Variants in NEGR1 observed in about 807,000 individuals in gnomAD.
The protein encoded by NEGR1 is neuronal growth regulator 1.
In NEGR1, 10 loss-of-function variants were observed where a neutral mutation model predicts 40.9. The ratio of observed to expected loss-of-function variants is 0.24; its 90% confidence interval spans 0.15 to 0.42. The LOEUF (loss-of-function observed/expected upper bound fraction) is 0.42, where lower values mean the gene tolerates loss of function less well. Ranked by LOEUF, NEGR1 falls within the 10% of genes least tolerant of loss-of-function variation. NEGR1 has a pLI of 1.00. For synonymous variants in NEGR1, 185 were observed against 166.8 expected (o/e 1.11, Z -0.84); for missense variants, 352 against 438.9 (o/e 0.80, Z 1.77).
intron 4 of NEGR1, among the ~76,000 whole-genome samples, chr1:71,616,564 G>A (rs556523392): frequency 6.6e-6 from 1 of 152,318 alleles, no homozygotes; most frequent in African/African-American, 2.4e-5. Flanking sequence ...CAACAATTAA[G>A]CTGCATCTGG....
intron 3 of NEGR1, among the ~76,000 whole-genome samples, chr1:71,747,821 C>A (rs1655437502): frequency 9.4e-6 from 1 of 106,770 alleles, no homozygotes; most frequent in Admixed American, 1.3e-4. Context: ...CACCCATACC[C>A]CATCCTTCAC....
intron 2 of NEGR1, among the ~76,000 whole-genome samples, chr1:71,929,745 T>C (rs534700637): frequency 4.1e-5 from 6 of 147,938 alleles, no homozygotes; most frequent in African/African-American, 1.5e-4. Context: ...TTTTTTTTTT[T>C]CTTCTTTTGG....
intron 2 of NEGR1, among the ~76,000 whole-genome samples, chr1:71,881,337 A>C (rs1660578461): frequency 6.6e-6 from 1 of 152,086 alleles, no homozygotes; most frequent in African/African-American, 2.4e-5. Context: ...CAATATTGAT[A>C]GGTTTTTCCT....
intron 1 of NEGR1, among the ~76,000 whole-genome samples, chr1:72,104,068 T>C (rs968869122): frequency 1.4e-5 from 2 of 148,084 alleles, no homozygotes; most frequent in Non-Finnish European, 3.0e-5. Flanking sequence ...CCACATTCAT[T>C]ATGTGCTTTT....
intron 6 of NEGR1, among the ~76,000 whole-genome samples, chr1:71,423,502 C>G (rs1199466079): frequency 6.6e-6 from 1 of 152,048 alleles, no homozygotes; most frequent in Non-Finnish European, 1.5e-5. Context: ...TGCATAGATA[C>G]TAATTAGAGA....
intron 4 of NEGR1, among the ~76,000 whole-genome samples, chr1:71,651,722 A>G (rs1392893637): frequency 6.6e-6 from 1 of 152,072 alleles, no homozygotes; most frequent in Non-Finnish European, 1.5e-5. Context: ...TATATCCTGT[A>G]TATTAGTATA....
chr1:71,416,184 C>T (rs1337043882), intron 6 of NEGR1, among the ~76,000 whole-genome samples: 1 of 152,134 alleles, frequency 6.6e-6, no homozygotes, highest in African/African-American at 2.4e-5. Context: ...AAACCGAAAA[C>T]ATTTTTGCAA....
intron 3 of NEGR1, among the ~76,000 whole-genome samples, chr1:71,725,820 T>C (rs1654653409): frequency 6.6e-6 from 1 of 152,100 alleles, no homozygotes; most frequent in Non-Finnish European, 1.5e-5. Context: ...AAATCTTGAA[T>C]AGAACAATAT....
At chr1:72,219,226 A>T (rs1653929731) in intron 1 of NEGR1, among the ~76,000 whole-genome samples, 1 of 152,082 alleles carries the variant, frequency 6.6e-6, no homozygotes. Flanking sequence ...ATCATAACCA[A>T]AAAATCATCT....
At chr1:72,017,495 G>A (rs919139600) in intron 1 of NEGR1, among the ~76,000 whole-genome samples, 31 of 151,664 alleles carry the variant, frequency 2.0e-4, no homozygotes, top group Admixed American at 2.6e-4. Flanking sequence ...TTGAGTGAAT[G>A]GATAAAAAAA....
At position 72,282,328 on chromosome 1, in the gene NEGR1, G is replaced by A. The variant is rs151324323; in HGVS notation, c.167C>T (p.Ala56Val). Residue 56 changes from alanine to valine, a missense_variant, in exon 1 of 7, where the codon GCG (alanine) becomes GTG (valine). Physicochemically the swap from Ala to Val is moderately conservative, Grantham distance 64. Coordinates refer to ENST00000357731, the MANE Select transcript of NEGR1 (RefSeq NM_173808.3). Reference sequence around the variant, plus strand: ...ACGCCGTTCTTCCTACCTAAGCACCGCCGTGTCCCCTTTTCTGACCATCAT... The same window carrying A: ...ACGCCGTTCTTCCTACCTAAGCACCACCGTGTCCCCTTTTCTGACCATCAT... ...DNMMVRKGDTAVLRCYLEDGA... is the reference protein window; with the variant it reads ...DNMMVRKGDTVVLRCYLEDGA... 35 of 1,613,814 alleles carry A rather than the reference G, an allele frequency of 2.2e-5. No homozygotes were observed. Among genetic ancestry groups the A allele is most frequent in the Non-Finnish European group, 2.7e-5 (32 of 1,179,898 alleles).
At chr1:72,083,508 A>G (rs1425179222) in intron 1 of NEGR1, among the ~76,000 whole-genome samples, 5 of 152,144 alleles carry the variant, frequency 3.3e-5, no homozygotes, top group Non-Finnish European at 7.3e-5. Flanking sequence ...ACAGGCACAT[A>G]CCACTATGCC....
chr1:71,955,878 G>A (rs1428006967), intron 1 of NEGR1, among the ~76,000 whole-genome samples: 1 of 152,122 alleles, frequency 6.6e-6, no homozygotes, highest in East Asian at 1.9e-4. Context: ...TAGAGGAAAA[G>A]GAAGGGCTTA....
chr1:71,870,173 C>A (rs757592815), intron 2 of NEGR1, among the ~76,000 whole-genome samples: 1 of 152,104 alleles, frequency 6.6e-6, no homozygotes, highest in Non-Finnish European at 1.5e-5. Flanking sequence ...AGCCACCATG[C>A]CCAGCCTGGA....
At chr1:71,854,011 G>T (rs1380142435) in intron 2 of NEGR1, among the ~76,000 whole-genome samples, 1 of 152,086 alleles carries the variant, frequency 6.6e-6, no homozygotes, top group East Asian at 1.9e-4. Context: ...AAATGTTGTT[G>T]ATTCTGTATT....
chr1:71,438,780 C>A (rs1646527240), intron 6 of NEGR1, among the ~76,000 whole-genome samples: 1 of 152,082 alleles, frequency 6.6e-6, no homozygotes, highest in South Asian at 2.1e-4. Context: ...TGAGAGAGAG[C>A]ACCTGGCCCC....
intron 1 of NEGR1, among the ~76,000 whole-genome samples, chr1:72,152,692 T>C (rs1422973096): frequency 2.5e-4 from 38 of 152,010 alleles, no homozygotes; most frequent in Non-Finnish European, 4.4e-5. Flanking sequence ...ATAGCTGTTC[T>C]ATTCAAATAG....
chr1:72,124,910 T>C (rs139982991), intron 1 of NEGR1, among the ~76,000 whole-genome samples: 44 of 152,192 alleles, frequency 2.9e-4, no homozygotes, highest in African/African-American at 6.0e-4. Flanking sequence ...TTTGATAACA[T>C]ACACATTGAA....
At chr1:71,643,157 C>T (rs1327456105) in intron 4 of NEGR1, among the ~76,000 whole-genome samples, 1 of 151,940 alleles carries the variant, frequency 6.6e-6, no homozygotes, top group Non-Finnish European at 1.5e-5. Flanking sequence ...TAAAACCACA[C>T]AAATCCCCAA....
Sources: allele counts gnomAD v4.1 joint callset (sites outside exome capture counted in the v4.1 genomes callset), GRCh38; gene constraint gnomAD v4.1.1; transcripts MANE v1.5; gene names NCBI Gene and HGNC (gene_info 2026-07-23, HGNC 2026-07-21).